SBF2: variants seen among roughly 807,000 people sequenced by gnomAD.
The protein encoded by SBF2 is myotubularin-related protein 13.
A neutral mutation model predicts 225.2 loss-of-function variants in SBF2; 112 were observed. The ratio of observed to expected loss-of-function variants is 0.50; its 90% CI spans 0.43 to 0.58. The LOEUF (loss-of-function observed/expected upper bound fraction) is 0.58, where lower values mean the gene tolerates loss of function less well. SBF2 is among the 20% of genes least tolerant of loss of function. The pLI, the probability that SBF2 is intolerant of heterozygous loss-of-function variation, is 0.00. For synonymous variants in SBF2, 763 were observed against 773.3 expected (o/e 0.99, Z 0.22); for missense variants, 1,996 against 2,206.2 (o/e 0.90, Z 1.91).
chr11:9,970,698 G>C lies in SBF2; in HGVS notation c.1396-2153C>G, dbSNP rs748877190. On this transcript the variant is annotated intron_variant, in intron 13 of 39. Coordinates refer to ENST00000256190, the MANE Select transcript of SBF2 (RefSeq NM_030962.4). Reference sequence around the variant, plus strand: ...GCTCTAGTCCTTATTATGTGATGCAGGGAAAACAACTTTGCCTAAGTTATA... The same window carrying C: ...GCTCTAGTCCTTATTATGTGATGCACGGAAAACAACTTTGCCTAAGTTATA... 1.6e-4 allele frequency among the ~76,000 whole-genome samples: 25 copies of C among 152,284 alleles called. No individual in the cohort carries two copies. The Middle Eastern group carries it at 0.014, about 83-fold the overall frequency.
At chr11:10,096,722 T>C (rs920012337) in intron 2 of SBF2, among the ~76,000 whole-genome samples, 2 of 152,196 alleles carry the variant, frequency 1.3e-5, no homozygotes, top group Non-Finnish European at 2.9e-5. Context: ...ACCTCAATAG[T>C]ACATTTGTGA....
intron 1 of SBF2, among the ~76,000 whole-genome samples, chr11:10,251,581 C>T (rs10840378): frequency 0.22 from 33,395 of 152,018 alleles, 3,962 homozygotes; most frequent in Middle Eastern, 0.3. Flanking sequence ...CATCTAGCTC[C>T]TTCTTTAATC....
chr11:10,144,025 C>T (rs1323471410), intron 2 of SBF2, among the ~76,000 whole-genome samples: 4 of 152,160 alleles, frequency 2.6e-5, no homozygotes, highest in Non-Finnish European at 5.9e-5. Context: ...GGCCCAACAA[C>T]TGAGTTTTGA....
intron 1 of SBF2, among the ~76,000 whole-genome samples, chr11:10,205,464 G>A (rs753660778): frequency 2.0e-5 from 3 of 151,862 alleles, no homozygotes; most frequent in Admixed American, 1.3e-4. Flanking sequence ...TGTAACCCTC[G>A]GAATGGAGGA....
chr11:9,898,899 C>T (rs1461191681), intron 16 of SBF2, among the ~76,000 whole-genome samples: 1 of 151,552 alleles, frequency 6.6e-6, no homozygotes, highest in Non-Finnish European at 1.5e-5. Flanking sequence ...GAAAAAGGGG[C>T]TAAGGACAGA....
At chr11:9,809,879 ATAG>A (rs1854079754) in intron 30 of SBF2, among the ~76,000 whole-genome samples, 1 of 152,142 alleles carries the variant, frequency 6.6e-6, no homozygotes, top group Non-Finnish European at 1.5e-5. Flanking sequence ...TGGGAATTAG[ATAG>A]TGGTGATAGT....
rs183222179 is a variant in SBF2, at chr11:10,012,515, T to C, written c.620-9826A>G. Among the ~76,000 whole-genome samples the C allele has an allele frequency of 4.0e-3, 607 of 152,328 alleles. 3 individuals are homozygous for C. Among genetic ancestry groups the C allele is most frequent in the Middle Eastern group, 0.027 (8 of 292 alleles). Reference sequence around the variant, plus strand: ...TTCAGTTTTTACTTCACTACTGAAATTGCCTAGGTTTTTGACCACTGTCAT... The same window carrying C: ...TTCAGTTTTTACTTCACTACTGAAACTGCCTAGGTTTTTGACCACTGTCAT... On this transcript the variant is annotated intron_variant, in intron 6 of 39. Transcript: ENST00000256190.
intron 13 of SBF2, among the ~76,000 whole-genome samples, chr11:9,979,375 C>T (rs988775229): frequency 1.3e-5 from 2 of 152,180 alleles, no homozygotes; most frequent in African/African-American, 2.4e-5. Context: ...TATGTTTATA[C>T]ATGAACTCAA....
intron 1 of SBF2, among the ~76,000 whole-genome samples, chr11:10,197,450 A>G (rs1167194767): frequency 6.6e-6 from 1 of 152,254 alleles, no homozygotes; most frequent in Non-Finnish European, 1.5e-5. Context: ...AAAGATGTAC[A>G]TGCTTTAATT....
chr11:9,820,077 G>C (rs1300614098), intron 28 of SBF2, among the ~76,000 whole-genome samples: 4 of 152,122 alleles, frequency 2.6e-5, no homozygotes, highest in Non-Finnish European at 5.9e-5. Context: ...CAACAGAAAG[G>C]GGTTTATGAT....
At chr11:9,843,947 T>C (rs1448300747) in intron 24 of SBF2, 2 of 152,242 alleles carry the variant, frequency 1.3e-5, no homozygotes, top group African/African-American at 2.4e-5. Flanking sequence ...TTTTGTTTCA[T>C]ATACCCAGGC....
At chr11:10,080,711 T>G (rs1010772766) in intron 2 of SBF2, among the ~76,000 whole-genome samples, 1 of 152,168 alleles carries the variant, frequency 6.6e-6, no homozygotes, top group Non-Finnish European at 1.5e-5. Flanking sequence ...ATTCTGCTTA[T>G]GAGAAATTTG....
At chr11:10,213,763 G>A (rs922865942) in intron 1 of SBF2, among the ~76,000 whole-genome samples, 4 of 152,098 alleles carry the variant, frequency 2.6e-5, no homozygotes, top group African/African-American at 9.7e-5. Flanking sequence ...TGCTGGCAAG[G>A]GAGGCTCAGT....
chr11:10,097,141 T>A (rs1185805276), intron 2 of SBF2, among the ~76,000 whole-genome samples: 2 of 152,162 alleles, frequency 1.3e-5, no homozygotes, highest in Non-Finnish European at 2.9e-5. Flanking sequence ...AACCTTAAAA[T>A]GGAGCTTGAG....
intron 2 of SBF2, among the ~76,000 whole-genome samples, chr11:10,175,744 C>T (rs376386280): frequency 9.2e-5 from 14 of 151,952 alleles, no homozygotes; most frequent in African/African-American, 2.7e-4. Flanking sequence ...TATTCCAAAA[C>T]TGACCACATA....
chr11:9,919,302 G>A (rs1252173677), intron 16 of SBF2, among the ~76,000 whole-genome samples: 2 of 123,940 alleles, frequency 1.6e-5, no homozygotes, highest in Admixed American at 1.7e-4. Flanking sequence ...TTTTGCTCTT[G>A]TTGCCCAGGC....
chr11:10,174,406 T>A (rs1306458951), intron 2 of SBF2, among the ~76,000 whole-genome samples: 1 of 152,052 alleles, frequency 6.6e-6, no homozygotes, highest in Non-Finnish European at 1.5e-5. Context: ...GAAGAAAGGG[T>A]ATCAGCGATG....
intron 16 of SBF2, among the ~76,000 whole-genome samples, chr11:9,925,434 C>A (rs1316476840): frequency 6.6e-6 from 1 of 152,162 alleles, no homozygotes; most frequent in African/African-American, 2.4e-5. Flanking sequence ...TGCGCCACCA[C>A]GCCCGACTAA....
At chr11:9,909,215 T>C (rs1862375526) in intron 16 of SBF2, among the ~76,000 whole-genome samples, 1 of 152,226 alleles carries the variant, frequency 6.6e-6, no homozygotes, top group African/African-American at 2.4e-5. Flanking sequence ...ACTTCTCAAA[T>C]GTGCAGTTTT....
Sources: allele counts gnomAD v4.1 joint callset (sites outside exome capture counted in the v4.1 genomes callset), GRCh38; gene constraint gnomAD v4.1.1; transcripts MANE v1.5; gene names NCBI Gene and HGNC (gene_info 2026-07-23, HGNC 2026-07-21).